Variants in ADAM22 observed in about 807,000 individuals in gnomAD.
The protein encoded by ADAM22 is disintegrin and metalloproteinase domain-containing protein 22.
ADAM22 carries 65 observed loss-of-function variants against 144.6 expected under a neutral mutation model. That is an observed-to-expected ratio of 0.45 (90% CI 0.37 to 0.55). The LOEUF is 0.55. Among genes scored for constraint, ADAM22 ranks in the 20% least tolerant of loss-of-function variants. ADAM22 has a pLI of 0.00. For missense variants in ADAM22, 974 were observed against 1,184.9 expected, an observed-to-expected ratio of 0.82 and a Z score of 2.61; for synonymous variants, 391 against 412.6, an observed-to-expected ratio of 0.95 and a Z score of 0.63.
chr7:87,949,664 A>T (rs930638390), intron 2 of ADAM22, among the ~76,000 whole-genome samples: 4 of 151,974 alleles, frequency 2.6e-5, no homozygotes, highest in Non-Finnish European at 5.9e-5. Flanking sequence ...TGATTTTTTT[A>T]AACTATGGTT....
chr7:88,006,544 T>G (rs961475974), intron 3 of ADAM22, among the ~76,000 whole-genome samples: 134 of 151,720 alleles, frequency 8.8e-4, no homozygotes, highest in Non-Finnish European at 1.6e-3. Context: ...ATCAAAAAGC[T>G]TATCCACCAT....
intron 2 of ADAM22, among the ~76,000 whole-genome samples, chr7:87,972,435 G>T (rs1355932499): frequency 2.0e-5 from 3 of 151,858 alleles, no homozygotes; most frequent in African/African-American, 7.3e-5. Context: ...AATAAAAGAG[G>T]ATACAAACAA....
intron 30 of ADAM22, among the ~76,000 whole-genome samples, chr7:88,189,476 A>C (rs1020025624): frequency 6.6e-6 from 1 of 152,166 alleles, no homozygotes; most frequent in East Asian, 1.9e-4. Flanking sequence ...CTTTCTGTAG[A>C]TGGAGGAAAC....
chr7:88,109,053 T>C (rs1563232370), intron 5 of ADAM22, among the ~76,000 whole-genome samples: 1 of 152,192 alleles, frequency 6.6e-6, no homozygotes, highest in Non-Finnish European at 1.5e-5. Context: ...AGTTTTTATA[T>C]TTTTGTCAAA....
chr7:88,048,841 T>C (rs1805408403), intron 3 of ADAM22, among the ~76,000 whole-genome samples: 1 of 152,196 alleles, frequency 6.6e-6, no homozygotes, highest in Non-Finnish European at 1.5e-5. Context: ...AATTCCCTTT[T>C]CTCTCCCTAC....
chr7:88,168,645 AG>A (rs1843481007), intron 25 of ADAM22, among the ~76,000 whole-genome samples: 2 of 152,218 alleles, frequency 1.3e-5, no homozygotes, highest in African/African-American at 4.8e-5. Flanking sequence ...AAGAAACCAG[AG>A]TATTCAATTT....
chr7:88,151,984 A>C lies in ADAM22; in HGVS notation c.1681+664A>C, dbSNP rs142573980. ...ACTACTAGCCCAAACTTTTGGAAGC[A>C]GTTTTTGTTTTAAACTGTTTCAGGA... On this transcript the variant is annotated intron_variant, in intron 20 of 31. Coordinates refer to ENST00000413139, the MANE Select transcript of ADAM22 (RefSeq NM_001324418.2). 1.6e-4 allele frequency among the ~76,000 whole-genome samples: 24 copies of C among 152,352 alleles called. No homozygotes were observed. In the East Asian group the frequency reaches 2.1e-3, roughly 13 times the overall value.
intron 3 of ADAM22, among the ~76,000 whole-genome samples, chr7:88,000,703 A>G (rs902735121): frequency 1.3e-5 from 2 of 152,208 alleles, no homozygotes; most frequent in Non-Finnish European, 2.9e-5. Context: ...TAATTCCTTA[A>G]CAAAAATAAC....
chr7:87,956,618 C>T (rs1049109859), intron 2 of ADAM22, among the ~76,000 whole-genome samples: 1 of 152,168 alleles, frequency 6.6e-6, no homozygotes, highest in African/African-American at 2.4e-5. Flanking sequence ...CTCCCACCCT[C>T]AGCCTGGGCA....
intron 2 of ADAM22, among the ~76,000 whole-genome samples, chr7:87,962,642 A>G (rs1275263608): frequency 1.3e-5 from 2 of 151,830 alleles, no homozygotes; most frequent in Non-Finnish European, 2.9e-5. Context: ...TGAAGATGGA[A>G]TCTTGCTGTG....
At chr7:88,107,543 T>C (rs1194495397) in intron 4 of ADAM22, among the ~76,000 whole-genome samples, 1 of 152,034 alleles carries the variant, frequency 6.6e-6, no homozygotes, top group Non-Finnish European at 1.5e-5. Context: ...ATGATTAAAC[T>C]TTGGTGCAAG....
chr7:88,037,809 A>C (rs1801883703), intron 3 of ADAM22, among the ~76,000 whole-genome samples: 1 of 152,164 alleles, frequency 6.6e-6, no homozygotes, highest in Non-Finnish European at 1.5e-5. Flanking sequence ...AGTTTTTCAT[A>C]AAACTAGATC....
intron 4 of ADAM22, chr7:88,089,799 C>T (rs1279313931): frequency 6.6e-6 from 1 of 152,100 alleles, no homozygotes; most frequent in Non-Finnish European, 1.5e-5. Context: ...ATTTCAAATC[C>T]AAGTTTCAGG....
At chr7:88,115,319 A>T (rs554890010) in intron 6 of ADAM22, among the ~76,000 whole-genome samples, 2 of 152,352 alleles carry the variant, frequency 1.3e-5, no homozygotes, top group Admixed American at 1.3e-4. Context: ...CTCTATTTCC[A>T]TCTCAACCCT....
At chr7:88,117,759 C>A (rs910981065) in intron 7 of ADAM22, among the ~76,000 whole-genome samples, 4 of 150,936 alleles carry the variant, frequency 2.7e-5, no homozygotes, top group Non-Finnish European at 4.4e-5. Flanking sequence ...AGTGACGCGA[C>A]CTCAGCTCAC....
At chr7:88,180,435 A>G (rs1311317009) in intron 27 of ADAM22, among the ~76,000 whole-genome samples, 2 of 152,064 alleles carry the variant, frequency 1.3e-5, no homozygotes, top group Non-Finnish European at 2.9e-5. Context: ...GTGAGTAGCA[A>G]ATGATGTTGA....
chr7:88,196,641 A>T lies in ADAM22; in HGVS notation c.*150A>T. Reference sequence around the variant, plus strand: ...CAGAGGAGAGGAAGCGGAGTTTCACATCTGGTTACCATTTTCTTTTTGTCA... The same window carrying T: ...CAGAGGAGAGGAAGCGGAGTTTCACTTCTGGTTACCATTTTCTTTTTGTCA... On this transcript the variant is annotated 3_prime_UTR_variant, in exon 32 of 32. Coordinates refer to ENST00000413139, the MANE Select transcript of ADAM22 (RefSeq NM_001324418.2). 2.5e-6 allele frequency: 2 copies of T among 785,926 alleles called. No homozygotes were observed. The highest frequency in any genetic ancestry group is 2.1e-6 in the Non-Finnish European group (1 of 478,464). The allele number at this position is 785,926 out of a possible 1,614,324, so 48.7% of individuals were successfully genotyped here.
chr7:88,171,505 CTT>C (rs772313056), intron 25 of ADAM22, 37 bp from the exon 26 acceptor site: 114 of 1,575,614 alleles, frequency 7.2e-5, no homozygotes, highest in Non-Finnish European at 9.6e-5. Context: ...GTAACTAACT[CTT>C]ATGTTTTTCC....
At chr7:88,059,319 C>T (rs147610307) in intron 3 of ADAM22, among the ~76,000 whole-genome samples, 126 of 152,136 alleles carry the variant, frequency 8.3e-4, no homozygotes, top group African/African-American at 2.9e-3. Flanking sequence ...GAGCCAAGGA[C>T]GATCAGCTGT....
Sources: gnomAD v4.1 joint callset for allele counts (sites outside exome capture counted in the v4.1 genomes callset) on GRCh38, gnomAD v4.1.1 for gene constraint, MANE v1.5 for transcripts, NCBI Gene and HGNC (gene_info 2026-07-23, HGNC 2026-07-21) for gene names.